MCF2L: variants seen among roughly 807,000 people sequenced by gnomAD.
MCF2L encodes MCF.2 cell line derived transforming sequence like.
A neutral mutation model predicts 153.4 loss-of-function variants in MCF2L; 97 were observed. The ratio of observed to expected loss-of-function variants is 0.63; its 90% CI spans 0.54 to 0.75. The LOEUF (loss-of-function observed/expected upper bound fraction) is 0.75. MCF2L is among the 30% of genes least tolerant of loss of function. MCF2L has a pLI of 0.00. For synonymous variants in MCF2L, 659 were observed against 632.2 expected, an observed-to-expected ratio of 1.04 and a Z score of -0.64; for missense variants, 1,347 against 1,495.2, an observed-to-expected ratio of 0.90 and a Z score of 1.64.
At chr13:112,905,653 T>C (rs1318422990) in intron 2 of MCF2L, among the ~76,000 whole-genome samples, 1 of 152,230 alleles carries the variant, frequency 6.6e-6, no homozygotes, top group Non-Finnish European at 1.5e-5. Context: ...CTCATGTAAC[T>C]GGAGGTTATT....
rs961450726 is a variant in MCF2L, at chr13:113,031,845, A to G, written c.278+7087A>G. ...TGTACACATACAGATGCACACACGC[A>G]CCTACACAGGCTTGCACATGCCACA... On this transcript the variant is annotated intron_variant, in intron 3 of 29. Transcript: ENST00000535094. The surrounding 1 kb of genome is among the most constrained non-coding windows in gnomAD (Gnocchi z 5.5). Among the ~76,000 whole-genome samples, 3 of 149,442 alleles carry G rather than the reference A, an allele frequency of 2.0e-5. No individual in the cohort carries two copies. Among genetic ancestry groups the G allele is most frequent in the African/African-American group, 7.4e-5 (3 of 40,326 alleles).
At chr13:112,910,669 T>A (rs1367444215) in intron 2 of MCF2L, 4 of 152,264 alleles carry the variant, frequency 2.6e-5, no homozygotes, top group Non-Finnish European at 5.9e-5. Context: ...GAAACCTTCT[T>A]ATCTATGTCA....
At chr13:113,088,678 GCAGGCCATTTGCACGC>G in intron 25 of MCF2L, 50 bp downstream of exon 25, 3 of 1,575,370 alleles carry the variant, frequency 1.9e-6, no homozygotes, top group Non-Finnish European at 2.6e-6. Context: ...GCAGTCCCGA[GCAGGCCATTTGCACGC>G]CAGGGTCCTC....
At chr13:112,911,264 C>T (rs12869952) in intron 2 of MCF2L, among the ~76,000 whole-genome samples, 8,711 of 152,290 alleles carry the variant, frequency 0.057, 370 homozygotes, top group East Asian at 0.22. Flanking sequence ...AGAGGGAGCC[C>T]GTTTGCAATG....
chr13:113,078,199 T>C (rs61966400), intron 13 of MCF2L, among the ~76,000 whole-genome samples, 164 bp from the exon 14 acceptor site: 168 of 119,682 alleles, frequency 1.4e-3, no homozygotes, highest in Admixed American at 1.7e-3. Flanking sequence ...GTCCTGCCCA[T>C]GCCACCCCCT....
intron 13 of MCF2L, 43 bp downstream of exon 13, chr13:113,077,254 G>A (rs527414553): frequency 5.0e-5 from 74 of 1,474,194 alleles, no homozygotes; most frequent in Non-Finnish European, 6.0e-5. Context: ...TGGGACCCTC[G>A]GGGGAGCCCC....
intron 1 of MCF2L, among the ~76,000 whole-genome samples, chr13:113,002,444 TC>T (rs1161376004): frequency 6.6e-6 from 1 of 152,244 alleles, no homozygotes; most frequent in African/African-American, 2.4e-5. Flanking sequence ...GCCACTGCTG[TC>T]CCCACAATGG....
chr13:112,952,271 G>T (rs1200470041), intron 2 of MCF2L, among the ~76,000 whole-genome samples: 5 of 152,186 alleles, frequency 3.3e-5, no homozygotes, highest in African/African-American at 4.8e-5. Flanking sequence ...CTCTCTGTGA[G>T]CCTGGACTGA....
At chr13:112,995,095 C>G (rs2083069130) in intron 1 of MCF2L, among the ~76,000 whole-genome samples, 1 of 152,184 alleles carries the variant, frequency 6.6e-6, no homozygotes, top group African/African-American at 2.4e-5. Flanking sequence ...TGTGTCTGCC[C>G]CTCCCGTGTT....
chr13:113,095,296 C>A (rs748506253), intron 27 of MCF2L: 237 of 1,177,202 alleles, frequency 2.0e-4, no homozygotes, highest in Admixed American at 3.2e-4. Context: ...GTCCCGGAGG[C>A]TCTGGAAGGG....
rs1002553281 is a variant in MCF2L, at chr13:113,074,975, G to A, written c.1117-23G>A. 2.5e-6 allele frequency: 4 copies of A among 1,583,646 alleles called. No individual in the cohort carries two copies. Among genetic ancestry groups the A allele is most frequent in the South Asian group, 2.3e-5 (2 of 88,864 alleles). Reference sequence around the variant, plus strand: ...CTCGAACAGAAAGAGGCCTGAGCTGGTCCTCTGGGTGGCCGTCCACAGGTG... The same window carrying A: ...CTCGAACAGAAAGAGGCCTGAGCTGATCCTCTGGGTGGCCGTCCACAGGTG... On this transcript the variant is annotated intron_variant, in intron 10 of 29. Coordinates refer to ENST00000535094, the MANE Select transcript of MCF2L (RefSeq NM_001112732.3). This position sits in a 1 kb window ranked among gnomAD's most constrained non-coding sequence, Gnocchi z 4.2.
intron 4 of MCF2L, among the ~76,000 whole-genome samples, chr13:113,055,764 G>A (rs571966707): frequency 6.2e-4 from 95 of 152,328 alleles, no homozygotes; most frequent in Admixed American, 1.1e-3. Flanking sequence ...CAGCCTGTCC[G>A]TCACAGCATC....
intron 1 of MCF2L, among the ~76,000 whole-genome samples, chr13:112,894,586 C>T (rs1395675270): frequency 6.6e-6 from 1 of 151,946 alleles, no homozygotes; most frequent in African/African-American, 2.4e-5. Context: ...GGACCCGGCT[C>T]GCGGTCAGGG....
chr13:113,005,541 G>A lies in MCF2L; in HGVS notation c.80-9222G>A, dbSNP rs539211479. On this transcript the variant is annotated intron_variant, in intron 1 of 29. Transcript: ENST00000535094. The stretch of plus-strand genomic sequence containing the variant: ...CCGTGGTCTGTTTGTGGTGGCCGTG[G>A]TTGGTTCTGGGTGGCTGTGGTCTGT... Among the ~76,000 whole-genome samples, 7 of 152,102 alleles carry A rather than the reference G, an allele frequency of 4.6e-5. No homozygotes were observed. In the East Asian group the frequency reaches 1.4e-3, roughly 29 times the overall value.
chr13:113,084,026 A>T lies in MCF2L; in HGVS notation c.2020A>T (p.Thr674Ser). The change falls in exon 18 of 30, where the codon ACT (threonine) becomes TCT (serine). Residue 674 changes from threonine (T) to serine (S), a missense_variant. Transcript: ENST00000535094. ...RIFLRELENY[T>S]DCPELVGRCF... ...ATTCCTCAGGGAGCTGGAAAACTAC[A>T]CTGACTGCCCAGAACTGGTTGGAAG... is the stretch of plus-strand genomic sequence containing the variant. 1 of 1,613,968 alleles carries T rather than the reference A, an allele frequency of 6.2e-7. No homozygotes were observed. Among genetic ancestry groups the T allele is most frequent in the South Asian group, 1.1e-5 (1 of 91,070 alleles).
At chr13:113,063,539 A>C (rs1423540087) in intron 5 of MCF2L, among the ~76,000 whole-genome samples, 1 of 152,090 alleles carries the variant, frequency 6.6e-6, no homozygotes, top group African/African-American at 2.4e-5. Flanking sequence ...ACAGCCACCC[A>C]CGGTGTCCAG....
chr13:113,071,282 T>C (rs1283508603), intron 9 of MCF2L, among the ~76,000 whole-genome samples: 1 of 152,234 alleles, frequency 6.6e-6, no homozygotes, highest in Non-Finnish European at 1.5e-5. Context: ...ATTTTGAGAA[T>C]TCCTTATATA....
chr13:112,922,851 A>G (rs539799568), intron 2 of MCF2L, among the ~76,000 whole-genome samples: 2 of 152,216 alleles, frequency 1.3e-5, no homozygotes, highest in Non-Finnish European at 2.9e-5. Context: ...CAAACAAACA[A>G]AAACCATCGT....
chr13:112,928,240 T>G (rs2081427803), intron 2 of MCF2L, among the ~76,000 whole-genome samples: 1 of 152,222 alleles, frequency 6.6e-6, no homozygotes, highest in African/African-American at 2.4e-5. Context: ...CCAACGTTGT[T>G]GCAGTCATTG....
Sources: allele counts gnomAD v4.1 joint callset (sites outside exome capture counted in the v4.1 genomes callset), GRCh38; gene constraint gnomAD v4.1.1; non-coding constraint Gnocchi (gnomAD v3.1); transcripts MANE v1.5; gene names NCBI Gene and HGNC (gene_info 2026-07-23, HGNC 2026-07-21).